The following SGPP2 variants were observed in gnomAD, a reference collection of about 807,000 sequenced individuals.
SGPP2 encodes the protein sphingosine-1-phosphate phosphatase 2, also known as sphingosine 1-phosphate phosphohydrolase 2.
In SGPP2, 30 loss-of-function variants were observed where a neutral mutation model predicts 33.9. The observed-to-expected ratio is 0.89, with a 90% CI of 0.66 to 1.20. The LOEUF (loss-of-function observed/expected upper bound fraction) is 1.20, where lower values mean the gene tolerates loss of function less well. SGPP2 is among the 50% of genes most tolerant of loss of function. The pLI is 0.00. For synonymous variants in SGPP2, 233 were observed against 225.0 expected (o/e 1.04, Z -0.32); for missense variants, 458 against 532.1 (o/e 0.86, Z 1.37).
chr2:222,552,954 A>G (rs540469578), intron 4 of SGPP2, among the ~76,000 whole-genome samples: 1 of 152,350 alleles, frequency 6.6e-6, no homozygotes, highest in East Asian at 1.9e-4. Flanking sequence ...ACAAAAAAAG[A>G]GAAATGCATT....
Position 222,558,401 on chromosome 2 carries a change from G to T in SGPP2, c.703G>T (p.Ala235Ser), listed in dbSNP as rs367926416. The T allele has an allele frequency of 5.6e-6, 9 of 1,614,002 alleles. No individual in the cohort carries two copies. In the African/African-American group the frequency reaches 1.2e-4, roughly 22 times the overall value. The change falls in exon 5 of 5, where the codon GCC (alanine) becomes TCC (serine). Residue 235 changes from alanine (A) to serine (S), a missense_variant. By Grantham distance (99) the Ala-to-Ser change is moderately conservative (BLOSUM62 1). Transcript: ENST00000321276. ...TALLIVLTYP[A>S]WTFIDCLDSA... The stretch of plus-strand genomic sequence containing the variant: ...ACTCCTCATCGTCCTCACCTACCCT[G>T]CCTGGACCTTCATCGACTGCCTGGA...
chr2:222,532,441 T>TGA (rs1472968651), intron 4 of SGPP2, among the ~76,000 whole-genome samples: 1 of 152,216 alleles, frequency 6.6e-6, no homozygotes, highest in Admixed American at 6.5e-5. Flanking sequence ...AAGGCTTTGC[T>TGA]GACGGGCTCC....
In SGPP2 at chr2:222,550,091, A is replaced by T. The variant is rs2106154694; in HGVS notation, c.649-8256A>T. On this transcript the variant is annotated intron_variant, in intron 4 of 4. Transcript: ENST00000321276. This position sits in a 1 kb window ranked among gnomAD's most constrained non-coding sequence, Gnocchi z 4.5. ...GACAGGGTTTCACCATATTGGCCAG[A>T]CTGGTCCTGAACTCGTGACCTCGTG... is the stretch of plus-strand genomic sequence containing the variant. Among the ~76,000 whole-genome samples the T allele has an allele frequency of 1.3e-5, 2 of 151,848 alleles. No homozygotes were observed. Among genetic ancestry groups the T allele is most frequent in the South Asian group, 2.1e-4 (1 of 4,802 alleles).
At chr2:222,457,104 A>G (rs1374512286) in intron 1 of SGPP2, among the ~76,000 whole-genome samples, 5 of 152,110 alleles carry the variant, frequency 3.3e-5, no homozygotes, top group South Asian at 2.1e-4. Context: ...TCCATCCTTC[A>G]TAAGTAGAAA....
intron 1 of SGPP2, among the ~76,000 whole-genome samples, chr2:222,459,142 C>CTTTTTTTTTTTTTTTTTTTTT (rs1164145783): frequency 2.1e-5 from 2 of 94,462 alleles, no homozygotes; most frequent in Non-Finnish European, 2.1e-5. Context: ...TTCTTTCTTT[C>CTTTTTTTTTTTTTTTTTTTTT]TTTTTTTTTT....
chr2:222,501,516 A>T (rs1698365427), intron 2 of SGPP2, among the ~76,000 whole-genome samples: 8 of 152,160 alleles, frequency 5.3e-5, no homozygotes, highest in Admixed American at 5.2e-4. Context: ...GTGTAAGGAG[A>T]GTGGGCAGTT....
At chr2:222,454,517 C>A (rs905175119) in intron 1 of SGPP2, among the ~76,000 whole-genome samples, 3 of 152,088 alleles carry the variant, frequency 2.0e-5, no homozygotes, top group Non-Finnish European at 2.9e-5. Flanking sequence ...CCTTTCAGAC[C>A]TATGGGTCAA....
At chr2:222,427,220 T>A (rs1482948852) in intron 1 of SGPP2, among the ~76,000 whole-genome samples, 1 of 152,236 alleles carries the variant, frequency 6.6e-6, no homozygotes, top group Non-Finnish European at 1.5e-5. Flanking sequence ...CTAGTGACTT[T>A]TGTGAATACA....
chr2:222,429,528 G>A (rs1416510039), intron 1 of SGPP2, among the ~76,000 whole-genome samples: 1 of 152,172 alleles, frequency 6.6e-6, no homozygotes, highest in Non-Finnish European at 1.5e-5. Flanking sequence ...AACACACGAA[G>A]AGAAAGTTAA....
At chr2:222,525,642 A>C (rs544309364) in intron 4 of SGPP2, among the ~76,000 whole-genome samples, 3 of 152,172 alleles carry the variant, frequency 2.0e-5, no homozygotes, top group African/African-American at 7.2e-5. Flanking sequence ...CAGTTTCCCA[A>C]TGTGTCCACG....
At chr2:222,547,831 G>T (rs1472350002) in intron 4 of SGPP2, among the ~76,000 whole-genome samples, 2 of 152,152 alleles carry the variant, frequency 1.3e-5, no homozygotes, top group Non-Finnish European at 2.9e-5. Flanking sequence ...ACTTGCTAGG[G>T]TATAATTTTT....
chr2:222,554,585 T>C (rs569534422), intron 4 of SGPP2, among the ~76,000 whole-genome samples: 1 of 152,366 alleles, frequency 6.6e-6, no homozygotes, highest in African/African-American at 2.4e-5. Flanking sequence ...GTTATACCAT[T>C]TTGCATTCAT....
intron 2 of SGPP2, among the ~76,000 whole-genome samples, chr2:222,494,412 C>T (rs992275507): frequency 2.0e-5 from 3 of 152,308 alleles, no homozygotes; most frequent in African/African-American, 7.2e-5. Context: ...CACGAATGAG[C>T]AAATATACTC....
intron 2 of SGPP2, among the ~76,000 whole-genome samples, chr2:222,475,751 A>G (rs116805411): frequency 0.016 from 2,377 of 152,162 alleles, 91 homozygotes; most frequent in African/African-American, 0.055. Flanking sequence ...ATTGAAGGAG[A>G]TGGTAGTCAT....
chr2:222,440,547 T>G (rs1462867728), intron 1 of SGPP2, among the ~76,000 whole-genome samples: 2 of 152,104 alleles, frequency 1.3e-5, no homozygotes, highest in Admixed American at 1.3e-4. Flanking sequence ...TTCACCATAT[T>G]GGTCAGGCTG....
At chr2:222,427,473 T>C (rs1175901249) in intron 1 of SGPP2, among the ~76,000 whole-genome samples, 1 of 152,126 alleles carries the variant, frequency 6.6e-6, no homozygotes, top group Non-Finnish European at 1.5e-5. Context: ...AGACAGGGTC[T>C]CACTATGTTG....
intron 1 of SGPP2, among the ~76,000 whole-genome samples, chr2:222,472,900 G>A (rs1697868320): frequency 1.3e-5 from 2 of 152,200 alleles, no homozygotes; most frequent in South Asian, 4.1e-4. Flanking sequence ...TGTAGTCTCA[G>A]TTACTTGGGA....
intron 1 of SGPP2, among the ~76,000 whole-genome samples, chr2:222,425,073 C>T (rs1270197348): frequency 1.3e-5 from 2 of 152,240 alleles, no homozygotes; most frequent in Non-Finnish European, 2.9e-5. Flanking sequence ...CATTTAGAGA[C>T]TTCCCACTTT....
intron 2 of SGPP2, among the ~76,000 whole-genome samples, chr2:222,503,651 A>C (rs1163709512): frequency 6.6e-6 from 1 of 152,082 alleles, no homozygotes; most frequent in Non-Finnish European, 1.5e-5. Context: ...TCTTAACTGC[A>C]CCCGCATTGT....
Sources: gnomAD v4.1 joint callset for allele counts (sites outside exome capture counted in the v4.1 genomes callset) on GRCh38, gnomAD v4.1.1 for gene constraint, Gnocchi (gnomAD v3.1) non-coding constraint, MANE v1.5 for transcripts, NCBI Gene and HGNC (gene_info 2026-07-23, HGNC 2026-07-21) for gene names.